Variants in RBFOX1 observed in about 807,000 individuals in gnomAD.
RBFOX1 encodes the protein RNA binding protein fox-1 homolog 1.
A neutral mutation model predicts 57.7 loss-of-function variants in RBFOX1; 8 were observed. The observed-to-expected ratio is 0.14, with a 90% CI of 0.08 to 0.25. The LOEUF is 0.25. Among genes scored for constraint, RBFOX1 ranks in the 10% least tolerant of loss-of-function variants. RBFOX1 has a pLI of 1.00. For synonymous variants in RBFOX1, 326 were observed against 222.4 expected (o/e 1.47, Z -4.15); for missense variants, 611 against 548.5 (o/e 1.11, Z -1.14).
At chr16:6,820,634 G>A (rs901310844) in intron 3 of RBFOX1, among the ~76,000 whole-genome samples, 6 of 151,754 alleles carry the variant, frequency 4.0e-5, no homozygotes, top group African/African-American at 1.5e-4. Context: ...AGTCCAGCCT[G>A]AGTGACAGAG....
At chr16:6,472,677 G>A (rs1033634593) in intron 2 of RBFOX1, among the ~76,000 whole-genome samples, 1 of 150,698 alleles carries the variant, frequency 6.6e-6, no homozygotes, top group Non-Finnish European at 1.5e-5. Flanking sequence ...AGGCTGGAGT[G>A]CAGTGGCGCA....
chr16:6,369,542 A>G (rs978135325), intron 2 of RBFOX1, among the ~76,000 whole-genome samples: 1 of 152,208 alleles, frequency 6.6e-6, no homozygotes, highest in African/African-American at 2.4e-5. Flanking sequence ...TTAGTCCTAA[A>G]GTTGTTGGGA....
chr16:6,857,912 C>T (rs1567586163), intron 3 of RBFOX1, among the ~76,000 whole-genome samples: 1 of 152,192 alleles, frequency 6.6e-6, no homozygotes, highest in Non-Finnish European at 1.5e-5. Context: ...CCACAGAAGT[C>T]ATTGCATTTA....
chr16:6,567,565 A>G (rs76314404), intron 2 of RBFOX1, among the ~76,000 whole-genome samples: 4 of 152,128 alleles, frequency 2.6e-5, no homozygotes, highest in East Asian at 1.9e-4. Flanking sequence ...TGTGTTTCTT[A>G]TGTGTCTGCT....
At chr16:5,550,541 T>A (rs994559871) in intron 2 of RBFOX1, among the ~76,000 whole-genome samples, 24 of 152,154 alleles carry the variant, frequency 1.6e-4, no homozygotes, top group African/African-American at 5.6e-4. Context: ...TGCCCAGACA[T>A]TGTTATTTCA....
intron 1 of RBFOX1, among the ~76,000 whole-genome samples, chr16:6,297,766 G>A (rs994266166): frequency 6.6e-6 from 1 of 152,152 alleles, no homozygotes; most frequent in African/African-American, 2.4e-5. Flanking sequence ...GAATGGCATG[G>A]CAGAAAGAAG....
At chr16:6,049,252 T>A (rs1469863051) in intron 1 of RBFOX1, among the ~76,000 whole-genome samples, 6 of 151,706 alleles carry the variant, frequency 4.0e-5, no homozygotes, top group African/African-American at 1.2e-4. Flanking sequence ...TTAGTAGAGA[T>A]GGGGTTTCAC....
chr16:5,816,417 A>T (rs2055639848), intron 3 of RBFOX1, among the ~76,000 whole-genome samples: 1 of 152,170 alleles, frequency 6.6e-6, no homozygotes, highest in African/African-American at 2.4e-5. Context: ...ACCAAGGATG[A>T]CACTGACTGC....
At chr16:7,032,522 G>C (rs1257993652) in intron 3 of RBFOX1, among the ~76,000 whole-genome samples, 3 of 152,092 alleles carry the variant, frequency 2.0e-5, no homozygotes, top group Non-Finnish European at 4.4e-5. Context: ...CTATGGTCAT[G>C]AGCAAATTAC....
chr16:6,683,909 G>A (rs966370021), intron 3 of RBFOX1, among the ~76,000 whole-genome samples: 4 of 152,226 alleles, frequency 2.6e-5, no homozygotes, highest in Admixed American at 2.6e-4. Flanking sequence ...AGTAGAGGGA[G>A]ATCGCATATG....
chr16:6,409,503 T>A (rs2093389681), intron 2 of RBFOX1, among the ~76,000 whole-genome samples: 1 of 152,182 alleles, frequency 6.6e-6, no homozygotes, highest in African/African-American at 2.4e-5. Flanking sequence ...TAAGATGCCT[T>A]TGAGTGTTAA....
At chr16:6,565,836 G>A (rs2097257907) in intron 2 of RBFOX1, among the ~76,000 whole-genome samples, 1 of 152,214 alleles carries the variant, frequency 6.6e-6, no homozygotes, top group Non-Finnish European at 1.5e-5. Context: ...TAGCAGCTAT[G>A]TGAGGCTATC....
At chr16:6,258,592 A>G (rs902612923) in intron 1 of RBFOX1, among the ~76,000 whole-genome samples, 3 of 152,312 alleles carry the variant, frequency 2.0e-5, no homozygotes, top group East Asian at 3.9e-4. Context: ...CATACTGAAT[A>G]CCTTCCATGG....
At chr16:6,652,464 G>A (rs1250784828) in intron 2 of RBFOX1, among the ~76,000 whole-genome samples, 1 of 151,418 alleles carries the variant, frequency 6.6e-6, no homozygotes, top group South Asian at 2.1e-4. Flanking sequence ...AAAAAAAAAA[G>A]CCATGGGTCT....
chr16:7,700,792 C>CA (rs1157048627), intron 14 of RBFOX1, among the ~76,000 whole-genome samples: 7 of 152,148 alleles, frequency 4.6e-5, no homozygotes, highest in Admixed American at 3.9e-4. Flanking sequence ...TGCTTTCCCT[C>CA]AAATCTGCTG....
chr16:6,372,357 G>A (rs1255937547), intron 2 of RBFOX1, among the ~76,000 whole-genome samples: 2 of 151,582 alleles, frequency 1.3e-5, no homozygotes, highest in African/African-American at 2.4e-5. Flanking sequence ...ATAGTCGGAT[G>A]GAAGGATGGT....
At chr16:6,542,450 C>G (rs76191774) in intron 2 of RBFOX1, among the ~76,000 whole-genome samples, 3 of 146,196 alleles carry the variant, frequency 2.1e-5, no homozygotes, top group Non-Finnish European at 3.0e-5. Context: ...AGTGGATAAT[C>G]GCATGATCCA....
chr16:6,620,022 C>G (rs903755300), intron 2 of RBFOX1, among the ~76,000 whole-genome samples: 1 of 152,164 alleles, frequency 6.6e-6, no homozygotes, highest in Non-Finnish European at 1.5e-5. Context: ...ATCCATGTTC[C>G]TGCAAAGGAC....
chr16:6,411,974 A>G (rs1443370773), intron 2 of RBFOX1, among the ~76,000 whole-genome samples: 2 of 152,170 alleles, frequency 1.3e-5, no homozygotes, highest in Non-Finnish European at 2.9e-5. Context: ...TCTACTAAAA[A>G]TACAAAAATT....
Sources: allele counts gnomAD v4.1 joint callset (sites outside exome capture counted in the v4.1 genomes callset), GRCh38; gene constraint gnomAD v4.1.1; transcripts MANE v1.5; gene names NCBI Gene and HGNC (gene_info 2026-07-23, HGNC 2026-07-21).